KPNA1: variants seen among roughly 807,000 people sequenced by gnomAD.
KPNA1 encodes karyopherin subunit alpha 1.
KPNA1 carries 10 observed loss-of-function variants against 70.5 expected under a neutral mutation model. The observed-to-expected ratio is 0.14, with a 90% CI of 0.09 to 0.24. KPNA1 has a LOEUF of 0.24. Ranked by LOEUF, KPNA1 falls within the 10% of genes least tolerant of loss-of-function variation. KPNA1 has a pLI of 1.00. For missense variants in KPNA1, 397 were observed against 637.9 expected (o/e 0.62, Z 4.07); for synonymous variants, 192 against 221.9 (o/e 0.87, Z 1.20).
chr3:122,460,094 C>T (rs1328874068), intron 5 of KPNA1: 1 of 985,350 alleles, frequency 1.0e-6, no homozygotes, highest in Non-Finnish European at 1.2e-6. Flanking sequence ...CAACTTGGTA[C>T]CTAACCAATT....
intron 1 of KPNA1, among the ~76,000 whole-genome samples, chr3:122,500,745 C>T (rs1243460114): frequency 6.6e-6 from 1 of 152,034 alleles, no homozygotes; most frequent in East Asian, 1.9e-4. Flanking sequence ...CTCAAGTGAT[C>T]CTCCTGTCTT....
intron 2 of KPNA1, among the ~76,000 whole-genome samples, chr3:122,470,830 G>GAA (rs1022217268): frequency 4.0e-5 from 6 of 150,040 alleles, no homozygotes; most frequent in Non-Finnish European, 7.4e-5. Flanking sequence ...AAGAGTGAAA[G>GAA]ACAAAACTAG....
intron 5 of KPNA1, chr3:122,460,328 C>T: frequency 1.0e-6 from 1 of 984,972 alleles, no homozygotes; most frequent in African/African-American, 1.7e-5. Flanking sequence ...CTGTTGGTTT[C>T]TTTTCTTATG....
chr3:122,480,033 T>C (rs1222461373), intron 2 of KPNA1, among the ~76,000 whole-genome samples: 1 of 152,080 alleles, frequency 6.6e-6, no homozygotes, highest in Non-Finnish European at 1.5e-5. Flanking sequence ...CATTAAATAA[T>C]ACATATTATT....
chr3:122,441,989 T>C, intron 10 of KPNA1, 49 bp downstream of exon 10: 2 of 1,191,884 alleles, frequency 1.7e-6, no homozygotes, highest in South Asian at 2.5e-5. Flanking sequence ...ATCATGAAGT[T>C]CAATATACTG....
At position 122,437,257 on chromosome 3, in the gene KPNA1, A is replaced by G. The variant is rs1404104320; in HGVS notation, c.1035T>C (p.His345=). ...TAGATTCCTTTGGGCTACTCAGCAA[A>G]TGCAATAAACTCTGCAGAGCTGAGC... ...LNCSALQSLL[H]LLSSPKESIK... The change falls in exon 11 of 14, where the codon CAT becomes CAC. Residue 345 remains histidine, a synonymous_variant. Coordinates refer to ENST00000344337, the MANE Select transcript of KPNA1 (RefSeq NM_002264.4). The G allele has an allele frequency of 1.9e-6, 3 of 1,613,750 alleles. No homozygotes were observed. Among genetic ancestry groups the G allele is most frequent in the Non-Finnish European group, 2.5e-6 (3 of 1,179,808 alleles).
At chr3:122,479,256 A>G (rs559373466) in intron 2 of KPNA1, among the ~76,000 whole-genome samples, 30 of 152,352 alleles carry the variant, frequency 2.0e-4, no homozygotes, top group African/African-American at 7.0e-4. Flanking sequence ...GCAAACAAGC[A>G]TATGAAGAGG....
chr3:122,424,750 A>G lies in KPNA1; in HGVS notation c.*2235T>C, dbSNP rs2075799994. 1 of 152,670 alleles carries G rather than the reference A, an allele frequency of 6.6e-6. No individual in the cohort carries two copies. The highest frequency in any genetic ancestry group is 6.5e-5 in the Admixed American group (1 of 15,282). The allele number at this position is 152,670 out of a possible 1,614,324, so 9.5% of individuals were successfully genotyped here. A position where few individuals can be genotyped will look rare whatever the true frequency, so the allele number is the denominator to read the frequency against. ...TTATTTTAACTATCCAATGGAAGGT[A>G]CATAATTTAAAACATCCTATAGAAA... is the stretch of plus-strand genomic sequence containing the variant. On this transcript the variant is annotated 3_prime_UTR_variant, in exon 14 of 14. Transcript: ENST00000344337.
intron 2 of KPNA1, among the ~76,000 whole-genome samples, chr3:122,470,770 A>G: frequency 6.6e-6 from 1 of 152,098 alleles, no homozygotes; most frequent in Non-Finnish European, 1.5e-5. Context: ...AAGAAAGAAC[A>G]GAAAATGGAA....
At chr3:122,449,772 A>G in intron 8 of KPNA1, 35 bp from the exon 9 acceptor site, 1 of 1,575,314 alleles carries the variant, frequency 6.3e-7, no homozygotes, top group East Asian at 2.3e-5. Flanking sequence ...GAAATTCAAT[A>G]GACTAAAAGC....
At chr3:122,508,123 T>A (rs546903058) in intron 1 of KPNA1, among the ~76,000 whole-genome samples, 1 of 152,090 alleles carries the variant, frequency 6.6e-6, no homozygotes, top group Non-Finnish European at 1.5e-5. Flanking sequence ...ACTAAAATTA[T>A]AAAGAAATTT....
chr3:122,500,181 G>C (rs904104696), intron 1 of KPNA1, among the ~76,000 whole-genome samples: 2 of 151,128 alleles, frequency 1.3e-5, no homozygotes, highest in Non-Finnish European at 3.0e-5. Flanking sequence ...GAGTGCAGTG[G>C]CGTAATCTCG....
chr3:122,447,154 T>G (rs1197998378), intron 9 of KPNA1, among the ~76,000 whole-genome samples: 5 of 152,198 alleles, frequency 3.3e-5, no homozygotes. Flanking sequence ...GAGGGAATCC[T>G]ACCTAACTCA....
At chr3:122,452,989 G>A (rs181060399) in intron 6 of KPNA1, among the ~76,000 whole-genome samples, 41 of 152,060 alleles carry the variant, frequency 2.7e-4, no homozygotes, top group Admixed American at 8.5e-4. Context: ...CTCTGTTACC[G>A]AGGCTGGAGT....
intron 2 of KPNA1, among the ~76,000 whole-genome samples, chr3:122,480,324 T>G (rs1576327166): frequency 6.6e-6 from 1 of 152,060 alleles, no homozygotes; most frequent in East Asian, 1.9e-4. Context: ...TTATAGCAAA[T>G]GTATCACTCC....
At position 122,423,395 on chromosome 3, in the gene KPNA1, T is replaced by C. The variant is rs2075782192; in HGVS notation, c.*3590A>G. On this transcript the variant is annotated 3_prime_UTR_variant, in exon 14 of 14. Transcript: ENST00000344337. ...TTGGAACGTAGGAGTTAGCATACAG[T>C]ATGAAAGTTGAAAGCAAACAATGCT... 1 of 152,204 alleles carries C rather than the reference T, an allele frequency of 6.6e-6. No homozygotes were observed. The highest frequency in any genetic ancestry group is 2.4e-5 in the African/African-American group (1 of 41,466). 9.4% of individuals were successfully genotyped at this position (152,204 alleles called of 1,614,324 possible).
At chr3:122,482,219 C>T (rs1035853756) in intron 2 of KPNA1, among the ~76,000 whole-genome samples, 1 of 152,224 alleles carries the variant, frequency 6.6e-6, no homozygotes, top group Non-Finnish European at 1.5e-5. Context: ...CGTTACTGTA[C>T]TGAACACTGG....
At chr3:122,439,918 T>C (rs147491916) in intron 10 of KPNA1, among the ~76,000 whole-genome samples, 4 of 152,010 alleles carry the variant, frequency 2.6e-5, no homozygotes, top group East Asian at 1.9e-4. Context: ...TTACCTGAAA[T>C]AGGAAAAATA....
At chr3:122,452,681 AGGAG>A (rs1363860571) in intron 6 of KPNA1, among the ~76,000 whole-genome samples, 41 of 81,452 alleles carry the variant, frequency 5.0e-4, no homozygotes, top group Non-Finnish European at 8.8e-4. Flanking sequence ...GAAGGAGGGA[AGGAG>A]GGAGGGAGGG....
Sources: allele counts gnomAD v4.1 joint callset (sites outside exome capture counted in the v4.1 genomes callset), GRCh38; gene constraint gnomAD v4.1.1; transcripts MANE v1.5; gene names NCBI Gene and HGNC (gene_info 2026-07-23, HGNC 2026-07-21).